Variants in GPC6 observed in about 807,000 individuals in gnomAD.
GPC6 encodes glypican 6.
GPC6 carries 14 observed loss-of-function variants against 55.2 expected under a neutral mutation model. The observed-to-expected ratio is 0.25, with a 90% CI of 0.17 to 0.40. The LOEUF is 0.40. Among genes scored for constraint, GPC6 ranks in the 10% least tolerant of loss-of-function variants. The pLI is 1.00. For synonymous variants in GPC6, 278 were observed against 259.6 expected (o/e 1.07, Z -0.68); for missense variants, 641 against 708.5 (o/e 0.90, Z 1.08).
At chr13:94,145,920 A>C (rs1416473654) in intron 4 of GPC6, among the ~76,000 whole-genome samples, 1 of 152,186 alleles carries the variant, frequency 6.6e-6, no homozygotes, top group Non-Finnish European at 1.5e-5. Context: ...GACAGGTGAC[A>C]GGAGGATCAA....
chr13:93,249,083 A>G (rs1360156582), intron 1 of GPC6, among the ~76,000 whole-genome samples: 1 of 152,170 alleles, frequency 6.6e-6, no homozygotes, highest in Admixed American at 6.5e-5. Context: ...GGCATGTTAG[A>G]TTTGAAAAAC....
intron 4 of GPC6, among the ~76,000 whole-genome samples, chr13:94,053,013 C>G (rs1884007582): frequency 6.6e-6 from 1 of 152,150 alleles, no homozygotes; most frequent in Non-Finnish European, 1.5e-5. Context: ...CCCGTTTTCT[C>G]AAGCTCAGCT....
chr13:94,182,459 G>A lies in GPC6; in HGVS notation c.878-103890G>A, dbSNP rs150624565. On this transcript the variant is annotated intron_variant, in intron 4 of 8. Coordinates refer to ENST00000377047, the MANE Select transcript of GPC6 (RefSeq NM_005708.5). ...AGCTGAACTTTTGTGCTTCTGTAAG[G>A]AGAACACTTTATGTTTCTGTTTTAA... Among the ~76,000 whole-genome samples, 32 of 152,272 alleles carry A rather than the reference G, an allele frequency of 2.1e-4. No individual in the cohort carries two copies. In the East Asian group the frequency reaches 5.4e-3, roughly 26 times the overall value.
chr13:93,435,173 G>A (rs975491820), intron 1 of GPC6, among the ~76,000 whole-genome samples: 2 of 152,114 alleles, frequency 1.3e-5, no homozygotes, highest in African/African-American at 2.4e-5. Flanking sequence ...GGAGTGCAGT[G>A]GTGCAGCCAT....
chr13:93,310,358 A>C (rs1162387478), intron 1 of GPC6, among the ~76,000 whole-genome samples: 2 of 152,128 alleles, frequency 1.3e-5, no homozygotes, highest in East Asian at 3.9e-4. Context: ...GTCAGTTCCC[A>C]AGAGCTTGGG....
At chr13:93,623,311 C>A (rs1458127460) in intron 2 of GPC6, among the ~76,000 whole-genome samples, 1 of 152,064 alleles carries the variant, frequency 6.6e-6, no homozygotes, top group Admixed American at 6.6e-5. Context: ...TGCTAAATCA[C>A]ATGGTTATTT....
intron 2 of GPC6, among the ~76,000 whole-genome samples, chr13:93,681,474 G>A (rs995719038): frequency 3.9e-5 from 6 of 152,110 alleles, no homozygotes; most frequent in African/African-American, 1.4e-4. Flanking sequence ...TACGGCAAGA[G>A]CTGACAATAA....
intron 3 of GPC6, among the ~76,000 whole-genome samples, chr13:94,025,935 T>A (rs1284872527): frequency 6.6e-6 from 1 of 152,048 alleles, no homozygotes; most frequent in African/African-American, 2.4e-5. Context: ...ATAAAAAAAA[T>A]TAAAGGATAT....
At chr13:93,268,157 AATAATT>A (rs1458399718) in intron 1 of GPC6, among the ~76,000 whole-genome samples, 2 of 152,178 alleles carry the variant, frequency 1.3e-5, no homozygotes, top group Non-Finnish European at 2.9e-5. Flanking sequence ...ATAGGGAAAA[AATAATT>A]ATGAGAGGAT....
At chr13:93,427,310 A>G (rs2139268904) in intron 1 of GPC6, among the ~76,000 whole-genome samples, 1 of 151,990 alleles carries the variant, frequency 6.6e-6, no homozygotes, top group East Asian at 1.9e-4. Flanking sequence ...CTAAGCCAAA[A>G]GAACAAAGCT....
At chr13:93,342,818 G>T (rs1880304909) in intron 1 of GPC6, among the ~76,000 whole-genome samples, 1 of 152,098 alleles carries the variant, frequency 6.6e-6, no homozygotes, top group Non-Finnish European at 1.5e-5. Flanking sequence ...AAGGAGTTAA[G>T]GAAAAGTCCT....
At chr13:93,694,046 G>T (rs1053892449) in intron 2 of GPC6, among the ~76,000 whole-genome samples, 2 of 152,136 alleles carry the variant, frequency 1.3e-5, no homozygotes, top group Admixed American at 6.5e-5. Flanking sequence ...AAATGTTTCA[G>T]CATGCCTGAT....
Position 93,519,967 on chromosome 13 carries a change from C to T in GPC6, c.161-25296C>T, listed in dbSNP as rs1269404272. On this transcript the variant is annotated intron_variant, in intron 1 of 8. Transcript: ENST00000377047. ...TTTGTAATGAAACAGTGTAACTATT[C>T]TCTGCAAGACTTATTTGACATCTTA... Among the ~76,000 whole-genome samples, 3 of 151,894 alleles carry T rather than the reference C, an allele frequency of 2.0e-5. No individual in the cohort carries two copies. The East Asian group carries it at 5.8e-4, about 29-fold the overall frequency.
intron 4 of GPC6, among the ~76,000 whole-genome samples, chr13:94,133,261 C>A (rs1593968621): frequency 1.8e-5 from 2 of 108,948 alleles, no homozygotes; most frequent in African/African-American, 3.8e-5. Context: ...AGGTACTGAC[C>A]AGTGACAAAA....
At chr13:94,269,415 C>T (rs928716107) in intron 4 of GPC6, among the ~76,000 whole-genome samples, 2 of 152,140 alleles carry the variant, frequency 1.3e-5, no homozygotes, top group Admixed American at 1.3e-4. Context: ...TTCTTGAAAG[C>T]CTACCTTTTA....
At chr13:93,948,297 G>A (rs1325307195) in intron 3 of GPC6, among the ~76,000 whole-genome samples, 1 of 152,030 alleles carries the variant, frequency 6.6e-6, no homozygotes, top group Non-Finnish European at 1.5e-5. Flanking sequence ...ATTTCATTTT[G>A]TGCAGGAATG....
chr13:93,417,909 G>A (rs1179560541), intron 1 of GPC6, among the ~76,000 whole-genome samples: 3 of 151,898 alleles, frequency 2.0e-5, no homozygotes, highest in South Asian at 2.1e-4. Flanking sequence ...CAATTTCTCT[G>A]GGGACCATTC....
At chr13:93,421,378 G>GC (rs1291767430) in intron 1 of GPC6, among the ~76,000 whole-genome samples, 1 of 151,996 alleles carries the variant, frequency 6.6e-6, no homozygotes, top group Admixed American at 6.6e-5. Context: ...TATTTAAATG[G>GC]TAGTACTGGC....
chr13:93,306,558 T>A (rs1450535853), intron 1 of GPC6, among the ~76,000 whole-genome samples: 1 of 152,130 alleles, frequency 6.6e-6, no homozygotes, highest in Admixed American at 6.5e-5. Context: ...ACAAATTTAG[T>A]ACTTTACCAG....
Sources: gnomAD v4.1 joint callset for allele counts (sites outside exome capture counted in the v4.1 genomes callset) on GRCh38, gnomAD v4.1.1 for gene constraint, MANE v1.5 for transcripts, NCBI Gene and HGNC (gene_info 2026-07-23, HGNC 2026-07-21) for gene names.